The following SUMF1 variants were observed in gnomAD, a reference collection of about 807,000 sequenced individuals.
SUMF1 encodes formylglycine-generating enzyme.
In SUMF1, 48 loss-of-function variants were observed where a neutral mutation model predicts 47.6. The ratio of observed to expected loss-of-function variants is 1.01; its 90% confidence interval spans 0.80 to 1.28. SUMF1 has a LOEUF of 1.28. Among genes scored for constraint, SUMF1 ranks in the 50% most tolerant of loss-of-function variants. The pLI, the probability that SUMF1 is intolerant of heterozygous loss-of-function variation, is 0.00. For missense variants in SUMF1, 571 were observed against 485.4 expected, an observed-to-expected ratio of 1.18 and a Z score of -1.66; for synonymous variants, 230 against 192.1, an observed-to-expected ratio of 1.20 and a Z score of -1.63.
intron 7 of SUMF1, among the ~76,000 whole-genome samples, chr3:4,406,705 G>C (rs1324752384): frequency 4.6e-5 from 7 of 152,048 alleles, no homozygotes; most frequent in African/African-American, 1.7e-4. Context: ...TTCTTTCTCT[G>C]AGAAAAAGAA....
At chr3:4,208,504 G>T (rs949054630) in intron 8 of SUMF1, among the ~76,000 whole-genome samples, 47 of 145,598 alleles carry the variant, frequency 3.2e-4, no homozygotes, top group Non-Finnish European at 7.5e-5. Context: ...GACAAAACAA[G>T]CATCATAACC....
Position 4,381,305 on chromosome 3 carries a change from A to C in SUMF1, c.955-4916T>G, listed in dbSNP as rs1051632218. ...TAAGCTACGAGGATGCAAAGGCATAAGAATGACACAATGGACTTTGGGGAC... is the reference window on the plus strand; with the variant it reads ...TAAGCTACGAGGATGCAAAGGCATACGAATGACACAATGGACTTTGGGGAC... On this transcript the variant is annotated intron_variant, in intron 7 of 8. Transcript: ENST00000272902. Among the ~76,000 whole-genome samples the C allele has an allele frequency of 3.3e-5, 5 of 152,314 alleles. 1 individual carries two copies. The highest frequency in any genetic ancestry group is 1.5e-5 in the Non-Finnish European group (1 of 68,032).
At chr3:4,091,008 G>A (rs1273986753) in intron 8 of SUMF1, among the ~76,000 whole-genome samples, 2 of 151,656 alleles carry the variant, frequency 1.3e-5, no homozygotes, top group African/African-American at 2.4e-5. Context: ...TTGAACCAGA[G>A]AGGCGGAGGT....
At chr3:4,141,496 T>C (rs1694069617) in intron 8 of SUMF1, among the ~76,000 whole-genome samples, 1 of 152,010 alleles carries the variant, frequency 6.6e-6, no homozygotes, top group African/African-American at 2.4e-5. Flanking sequence ...ATCCGACTTA[T>C]TCATCAAGGG....
intron 8 of SUMF1, among the ~76,000 whole-genome samples, chr3:4,104,666 T>TTCTCTCTCTC (rs111963235): frequency 0.025 from 3,677 of 146,788 alleles, 192 homozygotes; most frequent in East Asian, 0.13. Context: ...AAATCTCGAT[T>TTCTCTCTCTC]TCTCTCTCTC....
intron 8 of SUMF1, among the ~76,000 whole-genome samples, chr3:4,285,672 G>A (rs1016920317): frequency 6.6e-6 from 1 of 152,108 alleles, no homozygotes; most frequent in Middle Eastern, 3.4e-3. Context: ...TGCATTTTGG[G>A]CCTTACACAT....
Position 4,277,133 on chromosome 3 carries a change from C to G in SUMF1, c.1014+99197G>C, listed in dbSNP as rs1697436683. On this transcript the variant is annotated intron_variant and NMD_transcript_variant, in intron 8 of 12. Coordinates refer to the SUMF1 transcript ENST00000448413. ...AACTATCCTCCTCACTCCCAATCCC[C>G]CAATCCCTAAACAAACTGAACGTCT... is the stretch of plus-strand genomic sequence containing the variant. 2.0e-5 allele frequency among the ~76,000 whole-genome samples: 3 copies of G among 152,238 alleles called. No individual in the cohort carries two copies. In the South Asian group the frequency reaches 6.2e-4, roughly 32 times the overall value.
chr3:4,081,211 G>T (rs1340452089), intron 8 of SUMF1, among the ~76,000 whole-genome samples: 1 of 152,080 alleles, frequency 6.6e-6, no homozygotes, highest in Non-Finnish European at 1.5e-5. Flanking sequence ...GTCAGGACAG[G>T]ACACTACTTA....
At chr3:4,369,630 G>A (rs1700108118) in intron 8 of SUMF1, among the ~76,000 whole-genome samples, 1 of 152,186 alleles carries the variant, frequency 6.6e-6, no homozygotes, top group South Asian at 2.1e-4. Flanking sequence ...ATGTGGATGA[G>A]ATTTCCATGA....
At chr3:4,453,627 G>A (rs547561909) in intron 1 of SUMF1, among the ~76,000 whole-genome samples, 4 of 150,032 alleles carry the variant, frequency 2.7e-5, no homozygotes, top group African/African-American at 7.4e-5. Flanking sequence ...TCCACCTCCC[G>A]GGTCCAAGTG....
At chr3:4,068,879 G>A (rs900699880) in intron 8 of SUMF1, 15 of 220,624 alleles carry the variant, frequency 6.8e-5, no homozygotes, top group Non-Finnish European at 8.5e-5. Flanking sequence ...AAACTACAAC[G>A]AAAAATGGAC....
At chr3:4,218,478 G>A (rs1203888792) in intron 8 of SUMF1, among the ~76,000 whole-genome samples, 6 of 130,492 alleles carry the variant, frequency 4.6e-5, no homozygotes, top group African/African-American at 1.5e-4. Context: ...AGCAGTATAA[G>A]GAAGAATAAA....
At chr3:4,094,772 A>G (rs1048607796) in intron 8 of SUMF1, among the ~76,000 whole-genome samples, 1 of 152,130 alleles carries the variant, frequency 6.6e-6, no homozygotes, top group African/African-American at 2.4e-5. Flanking sequence ...ACTTATAGTT[A>G]GGGAAGTAAT....
At chr3:4,068,829 G>A (rs1338371388) in intron 8 of SUMF1, 1 of 231,808 alleles carries the variant, frequency 4.3e-6, no homozygotes, top group East Asian at 1.1e-4. Flanking sequence ...TGACAGGCAT[G>A]CTAAATTTTA....
At chr3:4,251,294 A>C (rs1696796645) in intron 8 of SUMF1, among the ~76,000 whole-genome samples, 1 of 152,206 alleles carries the variant, frequency 6.6e-6, no homozygotes, top group South Asian at 2.1e-4. Context: ...GAATTGCTGC[A>C]ATCTCATTAT....
intron 3 of SUMF1, among the ~76,000 whole-genome samples, chr3:4,443,485 C>A (rs1291258555): frequency 6.6e-6 from 1 of 151,940 alleles, no homozygotes; most frequent in Non-Finnish European, 1.5e-5. Flanking sequence ...AAGAAGAGGC[C>A]AGGCATGGTG....
At chr3:4,393,892 C>A (rs7640831) in intron 7 of SUMF1, among the ~76,000 whole-genome samples, 5,397 of 151,994 alleles carry the variant, frequency 0.036, 293 homozygotes, top group African/African-American at 0.12. Context: ...TAGTGAATCA[C>A]TTGACCTCTT....
intron 7 of SUMF1, among the ~76,000 whole-genome samples, chr3:4,399,938 T>C (rs546189506): frequency 6.6e-6 from 1 of 152,174 alleles, no homozygotes; most frequent in East Asian, 1.9e-4. Context: ...TTGTATGTTT[T>C]AGTAGGGATG....
rs147613676 is a variant in SUMF1, at chr3:4,465,166, G to A, written c.270+1810C>T. On this transcript the variant is annotated intron_variant, in intron 1 of 8. Transcript: ENST00000272902. ...TTAAAAAATAGATAAACAGATGTAA[G>A]GATTTCTCCTTAGAAAGAGGGACAG... Among the ~76,000 whole-genome samples, 4 of 152,286 alleles carry A rather than the reference G, an allele frequency of 2.6e-5. No individual in the cohort carries two copies. The East Asian group carries it at 7.7e-4, about 29-fold the overall frequency.
Sources: allele counts gnomAD v4.1 joint callset (sites outside exome capture counted in the v4.1 genomes callset), GRCh38; gene constraint gnomAD v4.1.1; transcripts MANE v1.5; gene names NCBI Gene and HGNC (gene_info 2026-07-23, HGNC 2026-07-21).